Variants in FRMD5 observed in about 807,000 individuals in gnomAD.
The protein encoded by FRMD5 is FERM domain-containing protein 5.
FRMD5 carries 20 observed loss-of-function variants against 69.0 expected under a neutral mutation model. The ratio of observed to expected loss-of-function variants is 0.29; its 90% confidence interval spans 0.20 to 0.42. The LOEUF is 0.42. Among genes scored for constraint, FRMD5 ranks in the 10% least tolerant of loss-of-function variants. The pLI, the probability that FRMD5 is intolerant of heterozygous loss-of-function variation, is 1.00. For missense variants in FRMD5, 595 were observed against 708.6 expected, an observed-to-expected ratio of 0.84 and a Z score of 1.82; for synonymous variants, 271 against 260.1, an observed-to-expected ratio of 1.04 and a Z score of -0.40.
chr15:43,952,739 T>C (rs529076003), intron 1 of FRMD5, among the ~76,000 whole-genome samples: 1 of 152,334 alleles, frequency 6.6e-6, no homozygotes, highest in African/African-American at 2.4e-5. Context: ...AGCCATGCGG[T>C]CAGCACGCAG....
intron 1 of FRMD5, among the ~76,000 whole-genome samples, chr15:44,147,250 T>C (rs1452593745): frequency 2.0e-5 from 3 of 152,216 alleles, no homozygotes; most frequent in Non-Finnish European, 4.4e-5. Context: ...TAGGGAATCC[T>C]TTCTCTGTTG....
At position 43,905,984 on chromosome 15, in the gene FRMD5, G is replaced by A. The variant is rs1355017785; in HGVS notation, c.428-33C>T. On this transcript the variant is annotated intron_variant, in intron 5 of 13. Transcript: ENST00000417257. ...AAGGAAGGTGGAAGAAAACAATTGT[G>A]GAGACAGGTAAATCATCATTGACAA... The A allele has an allele frequency of 5.0e-6, 8 of 1,613,782 alleles. No homozygotes were observed. The African/African-American group carries it at 1.1e-4, about 22-fold the overall frequency.
chr15:43,928,573 C>T (rs887820936), intron 1 of FRMD5, among the ~76,000 whole-genome samples: 2 of 152,218 alleles, frequency 1.3e-5, no homozygotes, highest in Non-Finnish European at 2.9e-5. Flanking sequence ...TTACAACTTC[C>T]TGGGCTTGTG....
At position 43,919,479 on chromosome 15, in the gene FRMD5, A is replaced by G. The variant is rs764660616; in HGVS notation, c.309T>C (p.Ala103=). The G allele has an allele frequency of 6.2e-7, 1 of 1,613,952 alleles. No homozygotes were observed. Among genetic ancestry groups the G allele is most frequent in the African/African-American group, 1.3e-5 (1 of 74,900 alleles). Residue 103 remains alanine (A), a synonymous_variant, in exon 4 of 14, where the codon GCT becomes GCC. Transcript: ENST00000417257. ...CTCACCTGGTTATTTCTTCTTTCAG[A>G]GCAGCAGGGTCTGCAGGATAAAACT... The part of the protein sequence containing the change: ...RVKFYPADPA[A]LKEEITRYLV...
At chr15:44,110,869 G>T (rs2076786732) in intron 1 of FRMD5, among the ~76,000 whole-genome samples, 1 of 152,146 alleles carries the variant, frequency 6.6e-6, no homozygotes, top group South Asian at 2.1e-4. Context: ...TATAATCTTT[G>T]AAAAGTGCTT....
In FRMD5 at chr15:43,888,247, G is replaced by T. The variant is rs200697450; in HGVS notation, c.812C>A (p.Thr271Lys). The change falls in exon 10 of 14, where the codon ACA becomes AAA. Residue 271 changes from threonine to lysine, a missense_variant. Thr to Lys is a moderately conservative substitution (Grantham distance 78). This residue lies in a region of FRMD5 where 176 missense variants were observed against 266.3 expected (regional missense o/e 0.66). Coordinates refer to ENST00000417257, the MANE Select transcript of FRMD5 (RefSeq NM_032892.5). ...SQKEEKKIIL[T>K]YFAPTPEACK... ...CGCTTCAGGAGTTGGAGCAAAATAT[G>T]TAAGAATAATTTTCTTTTCCTGCAA... The T allele has an allele frequency of 1.5e-5, 24 of 1,613,528 alleles. 1 individual carries two copies. The highest frequency in any genetic ancestry group is 1.8e-5 in the Non-Finnish European group (21 of 1,179,480).
chr15:43,963,751 T>C (rs1365572668), intron 1 of FRMD5, among the ~76,000 whole-genome samples: 1 of 152,156 alleles, frequency 6.6e-6, no homozygotes, highest in Non-Finnish European at 1.5e-5. Flanking sequence ...TTCATGCACT[T>C]TGTAGGGACA....
intron 1 of FRMD5, among the ~76,000 whole-genome samples, chr15:44,116,163 A>G (rs952497118): frequency 8.6e-5 from 13 of 150,920 alleles, no homozygotes; most frequent in African/African-American, 2.9e-4. Flanking sequence ...ATGTTTCAGA[A>G]TATATCTATA....
At position 44,178,790 on chromosome 15, in the gene FRMD5, C is replaced by T. The variant is rs111319056; in HGVS notation, c.102+16163G>A. Among the ~76,000 whole-genome samples the T allele has an allele frequency of 3.9e-3, 598 of 152,190 alleles. 5 individuals carry two copies. Among genetic ancestry groups the T allele is most frequent in the African/African-American group, 0.013 (559 of 41,526 alleles). ...GGTGGATCACCTGAGACCAGGAGTT[C>T]GAGACCAGCCTGACCAACATGGTAA... On this transcript the variant is annotated intron_variant, in intron 1 of 13. Transcript: ENST00000417257.
At chr15:43,930,955 C>T (rs1198925807) in intron 1 of FRMD5, among the ~76,000 whole-genome samples, 4 of 152,212 alleles carry the variant, frequency 2.6e-5, no homozygotes, top group African/African-American at 9.7e-5. Context: ...CTGAGCAGAA[C>T]TTCAAACCTG....
intron 1 of FRMD5, among the ~76,000 whole-genome samples, chr15:44,167,612 CAG>C (rs373877105): frequency 4.6e-5 from 7 of 150,976 alleles, no homozygotes; most frequent in African/African-American, 1.5e-4. Context: ...TTTTTTAAGA[CAG>C]AGTCTTGCTC....
At position 44,123,705 on chromosome 15, in the gene FRMD5, G is replaced by A. The variant is rs191951823; in HGVS notation, c.102+71248C>T. ...AACAAACATGCAATTACATAAGGGCGACACCTAAAATTCACTCATAAGTGG... is the reference window on the plus strand; with the variant it reads ...AACAAACATGCAATTACATAAGGGCAACACCTAAAATTCACTCATAAGTGG... On this transcript the variant is annotated intron_variant, in intron 1 of 13. Transcript: ENST00000417257. Among the ~76,000 whole-genome samples the A allele has an allele frequency of 5.3e-5, 8 of 152,104 alleles. No homozygotes were observed. The East Asian group carries it at 1.5e-3, about 29-fold the overall frequency.
chr15:43,906,093 G>A (rs1420197116), intron 5 of FRMD5, 142 bp from the exon 6 acceptor site: 3 of 1,098,196 alleles, frequency 2.7e-6, no homozygotes, highest in Non-Finnish European at 4.0e-6. Flanking sequence ...CACGGCTGTG[G>A]GCTGGGCAGA....
intron 4 of FRMD5, among the ~76,000 whole-genome samples, chr15:43,918,618 G>C (rs1265339647): frequency 5.9e-5 from 9 of 152,126 alleles, no homozygotes; most frequent in African/African-American, 1.9e-4. Flanking sequence ...AGAGCTGACA[G>C]TCCTATCTCT....
chr15:43,925,289 G>A (rs1035962035), intron 1 of FRMD5, among the ~76,000 whole-genome samples: 1 of 152,086 alleles, frequency 6.6e-6, no homozygotes, highest in Non-Finnish European at 1.5e-5. Context: ...AAAGGTGTGA[G>A]CCACCATGCC....
chr15:43,989,557 C>T, intron 1 of FRMD5: 2 of 869,228 alleles, frequency 2.3e-6, no homozygotes, highest in African/African-American at 1.6e-5. Flanking sequence ...TGATGTCATG[C>T]ACAATTTCCC....
intron 1 of FRMD5, among the ~76,000 whole-genome samples, chr15:44,169,443 G>A (rs2077763281): frequency 6.6e-6 from 1 of 152,130 alleles, no homozygotes. Flanking sequence ...AAGATCACCA[G>A]GTGGAAAGGG....
At chr15:44,178,700 A>C (rs2140555917) in intron 1 of FRMD5, among the ~76,000 whole-genome samples, 1 of 152,282 alleles carries the variant, frequency 6.6e-6, no homozygotes, top group Non-Finnish European at 1.5e-5. Flanking sequence ...GTCTTAAGAA[A>C]TACCCAAGTC....
Position 44,184,945 on chromosome 15 carries a change from A to G in FRMD5, c.102+10008T>C, listed in dbSNP as rs866592744. On this transcript the variant is annotated intron_variant, in intron 1 of 13. Transcript: ENST00000417257. ...TGTCTCTTTAAAAATAATCAGACTG[A>G]CCAGTATACCCAATATTACAAATTA... Among the ~76,000 whole-genome samples the G allele has an allele frequency of 3.9e-5, 6 of 152,306 alleles. No individual in the cohort carries two copies. The Middle Eastern group carries it at 0.014, about 345-fold the overall frequency.
Sources: allele counts gnomAD v4.1 joint callset (sites outside exome capture counted in the v4.1 genomes callset), GRCh38; gene constraint gnomAD v4.1.1; regional missense constraint gnomAD v4.1.1; transcripts MANE v1.5; gene names NCBI Gene and HGNC (gene_info 2026-07-23, HGNC 2026-07-21).